The following FSTL5 variants were observed in gnomAD, a reference collection of about 807,000 sequenced individuals.
FSTL5 encodes follistatin-related protein 5.
FSTL5 carries 62 observed loss-of-function variants against 89.1 expected under a neutral mutation model. The ratio of observed to expected loss-of-function variants is 0.70; its 90% CI spans 0.57 to 0.86. The LOEUF is 0.86. FSTL5 is among the 40% of genes least tolerant of loss of function. The probability of loss-of-function intolerance (pLI) is 0.00; values close to 1 mark genes in which losing one functional copy is unlikely to be tolerated. For synonymous variants in FSTL5, 383 were observed against 346.2 expected (o/e 1.11, Z -1.18); for missense variants, 1,057 against 1,001.6 (o/e 1.06, Z -0.75).
chr4:162,102,351 A>G (rs957829524), intron 2 of FSTL5, among the ~76,000 whole-genome samples: 2 of 151,686 alleles, frequency 1.3e-5, no homozygotes, highest in Admixed American at 1.3e-4. Context: ...ATAAATATGC[A>G]TCAGCATTCT....
chr4:161,836,398 T>C (rs911227137), intron 4 of FSTL5, among the ~76,000 whole-genome samples: 2 of 150,614 alleles, frequency 1.3e-5, no homozygotes, highest in African/African-American at 2.5e-5. Context: ...GACACATGTA[T>C]ACATATGTAA....
chr4:161,745,028 A>C (rs181673777), intron 6 of FSTL5, among the ~76,000 whole-genome samples: 1 of 152,158 alleles, frequency 6.6e-6, no homozygotes, highest in African/African-American at 2.4e-5. Flanking sequence ...TCCGGAGGAA[A>C]AAAAAAAGAA....
At chr4:161,784,398 CCTT>C (rs895631759) in intron 4 of FSTL5, among the ~76,000 whole-genome samples, 1 of 151,546 alleles carries the variant, frequency 6.6e-6, no homozygotes, top group Non-Finnish European at 1.5e-5. Flanking sequence ...ATAAATTTGA[CCTT>C]TTTTTAAAAA....
chr4:161,587,717 T>C (rs2126607329), intron 7 of FSTL5, 142 bp from the exon 8 acceptor site: 1 of 578,028 alleles, frequency 1.7e-6, no homozygotes, highest in Non-Finnish European at 3.0e-6. Flanking sequence ...GTTGGGTGTA[T>C]AAGCGTAAAG....
intron 8 of FSTL5, among the ~76,000 whole-genome samples, chr4:161,567,275 TAAATA>T (rs1732851594): frequency 6.6e-6 from 1 of 152,124 alleles, no homozygotes; most frequent in South Asian, 2.1e-4. Flanking sequence ...TTCATTAATT[TAAATA>T]AAATAAAATT....
At chr4:161,451,454 T>A (rs1229751962) in intron 15 of FSTL5, among the ~76,000 whole-genome samples, 3 of 152,270 alleles carry the variant, frequency 2.0e-5, no homozygotes, top group African/African-American at 7.2e-5. Flanking sequence ...CAGGGAAAAG[T>A]ACAGACTTTT....
chr4:161,957,103 G>A (rs1054308958), intron 3 of FSTL5, among the ~76,000 whole-genome samples: 1 of 151,898 alleles, frequency 6.6e-6, no homozygotes, highest in Admixed American at 6.6e-5. Flanking sequence ...ATACACCAAT[G>A]TGCAAAGATA....
At chr4:161,724,149 A>G (rs1302080055) in intron 6 of FSTL5, among the ~76,000 whole-genome samples, 1 of 152,154 alleles carries the variant, frequency 6.6e-6, no homozygotes, top group Non-Finnish European at 1.5e-5. Context: ...TCAAATAAAT[A>G]ATGTTGAGGA....
intron 1 of FSTL5, among the ~76,000 whole-genome samples, chr4:162,138,909 C>A (rs943063870): frequency 6.6e-6 from 1 of 151,670 alleles, no homozygotes; most frequent in Non-Finnish European, 1.5e-5. Flanking sequence ...AAGCCCTTTA[C>A]GGAAGAAATT....
intron 3 of FSTL5, among the ~76,000 whole-genome samples, chr4:162,001,310 A>G (rs573107226): frequency 6.6e-6 from 1 of 151,534 alleles, no homozygotes; most frequent in Admixed American, 6.5e-5. Context: ...CTATCTGTCT[A>G]TCTATCCTCC....
At chr4:161,502,800 A>G (rs894182583) in intron 11 of FSTL5, among the ~76,000 whole-genome samples, 5 of 151,832 alleles carry the variant, frequency 3.3e-5, no homozygotes, top group African/African-American at 1.2e-4. Flanking sequence ...TTGTGCACAT[A>G]TAAATTTATT....
chr4:161,912,834 A>C (rs1328437951), intron 4 of FSTL5, among the ~76,000 whole-genome samples: 1 of 152,154 alleles, frequency 6.6e-6, no homozygotes, highest in Non-Finnish European at 1.5e-5. Context: ...CTTGGACAAA[A>C]ATGGTGATAA....
chr4:161,957,373 ATTC>A (rs1735053286), intron 3 of FSTL5, among the ~76,000 whole-genome samples: 1 of 152,122 alleles, frequency 6.6e-6, no homozygotes. Context: ...TAATAATTAT[ATTC>A]TTATGTCAGT....
chr4:162,048,594 CACAT>C (rs1738278366), intron 2 of FSTL5, among the ~76,000 whole-genome samples: 1 of 39,800 alleles, frequency 2.5e-5, no homozygotes, highest in Admixed American at 2.8e-4. Context: ...TACCATTATA[CACAT>C]ACACACACAC....
rs182397156 is a variant in FSTL5, at chr4:161,846,126, T to A, written c.410-70052A>T. ...GTGTGTGTGCACGCACAAGTATGTG[T>A]GCTTGTACTGAACCAAAGGACAAGA... On this transcript the variant is annotated intron_variant, in intron 4 of 15. Coordinates refer to ENST00000306100, the MANE Select transcript of FSTL5 (RefSeq NM_020116.5). Among the ~76,000 whole-genome samples the A allele has an allele frequency of 1.9e-3, 289 of 152,206 alleles. 1 individual carries two copies. Among genetic ancestry groups the A allele is most frequent in the African/African-American group, 6.5e-3 (270 of 41,530 alleles).
At chr4:161,684,361 C>T (rs1027139665) in intron 6 of FSTL5, among the ~76,000 whole-genome samples, 4 of 152,130 alleles carry the variant, frequency 2.6e-5, no homozygotes, top group Non-Finnish European at 5.9e-5. Context: ...CACTGCTTTC[C>T]ATAGTGGTTG....
chr4:161,501,603 A>G (rs1730295168), intron 11 of FSTL5, among the ~76,000 whole-genome samples: 1 of 152,038 alleles, frequency 6.6e-6, no homozygotes, highest in South Asian at 2.1e-4. Flanking sequence ...AATAATTCTC[A>G]GTACTTCTAT....
chr4:161,983,005 A>G (rs1316372595), intron 3 of FSTL5, among the ~76,000 whole-genome samples: 2 of 152,168 alleles, frequency 1.3e-5, no homozygotes, highest in Non-Finnish European at 2.9e-5. Context: ...TGTTATTTAA[A>G]TCTTCAAAAA....
chr4:162,119,740 A>G (rs148409585), intron 1 of FSTL5, among the ~76,000 whole-genome samples: 1 of 152,274 alleles, frequency 6.6e-6, no homozygotes, highest in Non-Finnish European at 1.5e-5. Context: ...TAATCATCTT[A>G]CAGTGCTATA....
Sources: allele counts gnomAD v4.1 joint callset (sites outside exome capture counted in the v4.1 genomes callset), GRCh38; gene constraint gnomAD v4.1.1; transcripts MANE v1.5; gene names NCBI Gene and HGNC (gene_info 2026-07-23, HGNC 2026-07-21).